The following KCTD5 variants were observed in gnomAD, a reference collection of about 807,000 sequenced individuals.
The protein encoded by KCTD5 is BTB/POZ domain-containing protein KCTD5.
In KCTD5, 12 loss-of-function variants were observed where a neutral mutation model predicts 27.9. The observed-to-expected ratio is 0.43, with a 90% CI of 0.28 to 0.70. The LOEUF (loss-of-function observed/expected upper bound fraction) is 0.70. Ranked by LOEUF, KCTD5 falls within the 30% of genes least tolerant of loss-of-function variation. The pLI is 0.19. For synonymous variants in KCTD5, 147 were observed against 121.4 expected (o/e 1.21, Z -1.39); for missense variants, 226 against 274.8 (o/e 0.82, Z 1.26).
intron 3 of KCTD5, among the ~76,000 whole-genome samples, 164 bp from the exon 4 acceptor site, chr16:2,699,657 G>A (rs559223606): frequency 1.8e-4 from 27 of 152,326 alleles, no homozygotes; most frequent in Admixed American, 9.8e-4. Context: ...TGTTCGGGCC[G>A]CGTGTTTTGC....
intron 3 of KCTD5, among the ~76,000 whole-genome samples, chr16:2,698,316 T>G (rs2067595579): frequency 6.6e-6 from 1 of 151,866 alleles, no homozygotes; most frequent in African/African-American, 2.4e-5. Context: ...GACCCTGAGG[T>G]GGATGGCATC....
chr16:2,707,211 C>T, intron 5 of KCTD5, 87 bp from the exon 6 acceptor site: 1 of 1,338,408 alleles, frequency 7.5e-7, no homozygotes, highest in Non-Finnish European at 1.1e-6. Flanking sequence ...AACCCCAGGC[C>T]TGTGGGCTCT....
chr16:2,702,550 C>T (rs986480902), intron 5 of KCTD5, 72 bp downstream of exon 5: 27 of 1,558,488 alleles, frequency 1.7e-5, no homozygotes, highest in Middle Eastern at 1.7e-4. Context: ...AGACCTTCCT[C>T]CTTTTCTGCC....
In KCTD5 at chr16:2,697,977, C is replaced by G. The variant is rs756594781; in HGVS notation, c.433C>G (p.Arg145Gly). The change falls in exon 3 of 6, where the codon CGA (arginine) becomes GGA (glycine). Residue 145 changes from arginine (R) to glycine (G), a missense_variant. This residue lies in a region of KCTD5 where 135 missense variants were observed against 207.0 expected (regional missense o/e 0.65). Transcript: ENST00000301738. The part of the protein sequence containing the change: ...IKLVKDKIRE[R>G]DSKTSQVPVK... ...ACTTGTAAAGGACAAAATTAGAGAACGAGACAGCAAAACATCGCAGGTGAG... is the reference window on the plus strand; with the variant it reads ...ACTTGTAAAGGACAAAATTAGAGAAGGAGACAGCAAAACATCGCAGGTGAG... The G allele has an allele frequency of 5.6e-6, 9 of 1,611,126 alleles. No individual in the cohort carries two copies. Among genetic ancestry groups the G allele is most frequent in the South Asian group, 1.1e-5 (1 of 91,002 alleles).
chr16:2,687,217 C>G lies in KCTD5; in HGVS notation c.252+4417C>G, dbSNP rs186565543. 2.3e-3 allele frequency among the ~76,000 whole-genome samples: 343 copies of G among 152,338 alleles called. 4 individuals are homozygous for G. Among genetic ancestry groups the G allele is most frequent in the East Asian group, 1.3e-3 (7 of 5,188 alleles). The stretch of plus-strand genomic sequence containing the variant: ...GTTCCATAAATTCCTGAGAAAAGGA[C>G]TCGACTCTGGTGATGAAATGGAACG... On this transcript the variant is annotated intron_variant, in intron 1 of 5. Transcript: ENST00000301738.
chr16:2,689,400 G>C (rs1199227404), intron 1 of KCTD5, among the ~76,000 whole-genome samples: 728 of 99,436 alleles, frequency 7.3e-3, no homozygotes, highest in African/African-American at 0.026. Context: ...GCAGATGTTG[G>C]TGCACAGGAA....
intron 3 of KCTD5, 84 bp from the exon 4 acceptor site, chr16:2,699,737 C>A: frequency 2.4e-6 from 3 of 1,276,428 alleles, no homozygotes; most frequent in Non-Finnish European, 3.4e-6. Flanking sequence ...TGGACCTCAG[C>A]CTCCCTGGGT....
At chr16:2,688,220 AATAAATAAATATAT>A (rs1291050867) in intron 1 of KCTD5, among the ~76,000 whole-genome samples, 1 of 81,070 alleles carries the variant, frequency 1.2e-5, no homozygotes. Context: ...TAAATAAATA[AATAAATAAATATAT>A]ATATATATAT....
intron 1 of KCTD5, chr16:2,684,173 C>G (rs1276459491): frequency 4.6e-5 from 7 of 151,988 alleles, no homozygotes; most frequent in Non-Finnish European, 8.8e-5. Context: ...CACTCCCTTG[C>G]CTTTCTACTC....
chr16:2,697,803 GC>G, intron 2 of KCTD5, 102 bp from the exon 3 acceptor site: 1 of 798,614 alleles, frequency 1.3e-6, no homozygotes, highest in Non-Finnish European at 2.1e-6. Context: ...CGAGCCATGG[GC>G]CCTCATTGCA....
chr16:2,682,978 G>GT, intron 1 of KCTD5, 178 bp downstream of exon 1: 11 of 693,886 alleles, frequency 1.6e-5, no homozygotes, highest in South Asian at 2.4e-5. Context: ...CCTACCCTGG[G>GT]AGGGGAGGGT....
chr16:2,682,595 T>TCGGGG lies in KCTD5; in HGVS notation c.54_58dup (p.Leu20ArgfsTer74). On this transcript the variant is annotated frameshift_variant, in exon 1 of 6. Transcript: ENST00000301738. LOFTEE classifies it high-confidence loss of function. ...CTCCTGTCGCCGGCCCGGGGCGGCATCGGGGCGGGGCTGGGGGGCGGCCTG... is the reference window on the plus strand; with the variant it reads ...CTCCTGTCGCCGGCCCGGGGCGGCATCGGGGCGGGGCGGGGCTGGGGGGCGGCCTG... 7.0e-7 allele frequency: 1 copy of TCGGGG among 1,427,558 alleles called. No individual in the cohort carries two copies. The highest frequency in any genetic ancestry group is 9.1e-7 in the Non-Finnish European group (1 of 1,095,560). The allele number at this position is 1,427,558 out of a possible 1,614,324, so 88.4% of individuals were successfully genotyped here.
At chr16:2,702,204 G>T in intron 4 of KCTD5, 149 bp from the exon 5 acceptor site, 1 of 1,007,768 alleles carries the variant, frequency 9.9e-7, no homozygotes, top group East Asian at 2.5e-5. Flanking sequence ...CAGGTGTTCC[G>T]GGGATTTGTT....
intron 5 of KCTD5, among the ~76,000 whole-genome samples, chr16:2,704,719 C>A (rs912400017): frequency 1.3e-5 from 2 of 152,210 alleles, no homozygotes; most frequent in African/African-American, 4.8e-5. Context: ...CATCCACCGC[C>A]TGCCCCCGTG....
At chr16:2,706,195 G>T (rs909510584) in intron 5 of KCTD5, among the ~76,000 whole-genome samples, 1 of 152,222 alleles carries the variant, frequency 6.6e-6, no homozygotes, top group Non-Finnish European at 1.5e-5. Context: ...AGAGCTGTTG[G>T]GGGGTGGAGT....
intron 5 of KCTD5, among the ~76,000 whole-genome samples, chr16:2,702,842 G>A (rs906641299): frequency 6.6e-6 from 1 of 152,222 alleles, no homozygotes; most frequent in African/African-American, 2.4e-5. Flanking sequence ...AGGCCTGGCT[G>A]TCATAGGGGT....
intron 4 of KCTD5, among the ~76,000 whole-genome samples, chr16:2,701,887 T>C (rs372046007): frequency 1.3e-5 from 2 of 151,980 alleles, no homozygotes; most frequent in East Asian, 1.9e-4. Context: ...GGCCTAAGGG[T>C]GTGGCCAGCA....
At chr16:2,704,068 C>G (rs1436892523) in intron 5 of KCTD5, among the ~76,000 whole-genome samples, 1 of 152,256 alleles carries the variant, frequency 6.6e-6, no homozygotes. Context: ...AAAGGACACG[C>G]TCTGTACTGT....
At chr16:2,687,741 G>GC (rs113201003) in intron 1 of KCTD5, among the ~76,000 whole-genome samples, 16 of 150,810 alleles carry the variant, frequency 1.1e-4, no homozygotes, top group Admixed American at 3.3e-4. Flanking sequence ...TCTTTTAGCA[G>GC]CCCCCCTCCA....
Sources: allele counts gnomAD v4.1 joint callset (sites outside exome capture counted in the v4.1 genomes callset), GRCh38; gene constraint gnomAD v4.1.1; regional missense constraint gnomAD v4.1.1; transcripts MANE v1.5; gene names NCBI Gene and HGNC (gene_info 2026-07-23, HGNC 2026-07-21).